Variants in DNAH1 observed in about 807,000 individuals in gnomAD.
DNAH1 encodes axonemal beta dynein heavy chain 1.
Under a neutral mutation model 484.3 loss-of-function variants are expected in DNAH1, and 327 were observed. The observed-to-expected ratio is 0.68, with a 90% CI of 0.62 to 0.74. The LOEUF is 0.74. DNAH1 is among the 30% of genes least tolerant of loss of function. DNAH1 has a pLI of 0.00. For missense variants in DNAH1, 5,052 were observed against 5,546.8 expected (o/e 0.91, Z 2.83); for synonymous variants, 2,192 against 2,191.9 (o/e 1.00, Z 0.00).
intron 59 of DNAH1, 123 bp from the exon 60 acceptor site, chr3:52,389,334 AATGC>A (rs1425329947): frequency 8.0e-6 from 11 of 1,375,086 alleles, no homozygotes; most frequent in Middle Eastern, 2.0e-4. Flanking sequence ...GTGGGATTAG[AATGC>A]AGGTATCTGG....
In DNAH1 at chr3:52,362,500, A is replaced by G; in HGVS notation, c.5093A>G (p.Lys1698Arg). Reference protein sequence around the residue: ...AGRTELPDNLKALFRPVAMMV... With the variant: ...AGRTELPDNLRALFRPVAMMV... ...CGCACGGAGCTGCCTGACAATCTGA[A>G]GGCAAGTGCAGGCCCAGAGTGGCCC... Residue 1698 changes from lysine (K) to arginine (R), a missense_variant and splice_region_variant, in exon 31 of 78, where the codon AAG becomes AGG. Lys to Arg is a conservative substitution (Grantham distance 26). Around this residue, in one of 4 missense-constraint regions of DNAH1, gnomAD observed 2,929 missense variants for 3,409.4 expected, o/e 0.86. Transcript: ENST00000420323. This position sits in a 1 kb window ranked among gnomAD's most constrained non-coding sequence, Gnocchi z 5.1. 6.2e-7 allele frequency: 1 copy of G among 1,612,632 alleles called. No individual in the cohort carries two copies.
chr3:52,354,221 A>G (rs548075800), intron 20 of DNAH1, among the ~76,000 whole-genome samples: 3 of 152,320 alleles, frequency 2.0e-5, no homozygotes, highest in Admixed American at 6.5e-5. Flanking sequence ...AAGGCTCAGA[A>G]GGGTTCAGCA....
chr3:52,400,155 C>T (rs761407711), intron 77 of DNAH1, among the ~76,000 whole-genome samples, 170 bp from the exon 78 acceptor site: 1 of 152,208 alleles, frequency 6.6e-6, no homozygotes, highest in Non-Finnish European at 1.5e-5. Context: ...AATACAGTAA[C>T]CCTGGGCAGG....
Position 52,358,424 on chromosome 3 carries a change from T to C in DNAH1, c.4087-134T>C, listed in dbSNP as rs1042547533. The C allele has an allele frequency of 6.9e-6, 7 of 1,014,520 alleles. No homozygotes were observed. Among genetic ancestry groups the C allele is most frequent in the Non-Finnish European group, 8.4e-6 (6 of 713,208 alleles). The allele number at this position is 1,014,520 out of a possible 1,614,324, so 62.8% of individuals were successfully genotyped here. A position where few individuals can be genotyped will look rare whatever the true frequency, so the allele number is the denominator to read the frequency against. The stretch of plus-strand genomic sequence containing the variant: ...CTGGGAAGGCCCAGCCAAGATAGAC[T>C]CTCGGGGGGACGGGAAGGCAGGGCT... On this transcript the variant is annotated intron_variant, in intron 24 of 77. Coordinates refer to ENST00000420323, the MANE Select transcript of DNAH1 (RefSeq NM_015512.5). This position sits in a 1 kb window ranked among gnomAD's most constrained non-coding sequence, Gnocchi z 4.2.
chr3:52,355,064 T>TC lies in DNAH1; in HGVS notation c.3693+15dup. The TC allele has an allele frequency of 6.2e-7, 1 of 1,611,414 alleles. No individual in the cohort carries two copies. Among genetic ancestry groups the TC allele is most frequent in the Non-Finnish European group, 8.5e-7 (1 of 1,179,376 alleles). ...AACTGAAGCTGACCCAGGTCGGCCCTCCCCCCAGTCCTTCCCTCATCGCTC... is the reference window on the plus strand; with the variant it reads ...AACTGAAGCTGACCCAGGTCGGCCCTCCCCCCCAGTCCTTCCCTCATCGCTC... On this transcript the variant is annotated intron_variant, in intron 21 of 77. Transcript: ENST00000420323. The surrounding 1 kb of genome is among the most constrained non-coding windows in gnomAD (Gnocchi z 4.5).
chr3:52,399,890 G>T, intron 77 of DNAH1, 111 bp downstream of exon 77: 1 of 1,182,734 alleles, frequency 8.5e-7, no homozygotes, highest in Non-Finnish European at 1.2e-6. Flanking sequence ...GGACAACAGA[G>T]ATTTGGGCCA....
chr3:52,356,576 G>T, intron 21 of DNAH1, 38 bp from the exon 22 acceptor site: 1 of 1,608,394 alleles, frequency 6.2e-7, no homozygotes, highest in Non-Finnish European at 8.5e-7. Flanking sequence ...GACCCTGACA[G>T]TCCATATCAC....
chr3:52,392,567 G>C lies in DNAH1; in HGVS notation c.10156G>C (p.Glu3386Gln). ...TATCAGTAATGCCAAGATGCGCCAG[G>C]AGCTGAAGGACATTGAGGACCAGAT... Reference protein sequence around the residue: ...LIISNAKMRQELKDIEDQILY... With the variant: ...LIISNAKMRQQLKDIEDQILY... The change falls in exon 64 of 78, where the codon GAG becomes CAG. Residue 3386 changes from glutamate to glutamine, a missense_variant. This residue lies in a region of DNAH1 where 2,929 missense variants were observed against 3,409.4 expected (regional missense o/e 0.86). Coordinates refer to ENST00000420323, the MANE Select transcript of DNAH1 (RefSeq NM_015512.5). 6.2e-7 allele frequency: 1 copy of C among 1,613,990 alleles called. No individual in the cohort carries two copies. Among genetic ancestry groups the C allele is most frequent in the East Asian group, 2.2e-5 (1 of 44,888 alleles).
Position 52,388,613 on chromosome 3 carries a change from C to T in DNAH1, c.9363+4C>T, listed in dbSNP as rs369421920. 1.9e-4 allele frequency: 314 copies of T among 1,611,776 alleles called. No homozygotes were observed. The highest frequency in any genetic ancestry group is 2.5e-4 in the Non-Finnish European group (290 of 1,179,472). Reference sequence around the variant, plus strand: ...GCGGCTGGGCCGAGCTGGCAAGGTGCGCACCCTCCTCCTGCAAGGCCTGCA... The same window carrying T: ...GCGGCTGGGCCGAGCTGGCAAGGTGTGCACCCTCCTCCTGCAAGGCCTGCA... On this transcript the variant is annotated splice_donor_region_variant and intron_variant, in intron 58 of 77. Coordinates refer to ENST00000420323, the MANE Select transcript of DNAH1 (RefSeq NM_015512.5).
chr3:52,388,292 G>T lies in DNAH1; in HGVS notation c.9129G>T (p.Met3043Ile). The T allele has an allele frequency of 6.2e-7, 1 of 1,602,234 alleles. No individual in the cohort carries two copies. The highest frequency in any genetic ancestry group is 8.5e-7 in the Non-Finnish European group (1 of 1,174,578). Residue 3043 changes from methionine (M) to isoleucine (I), a missense_variant, in exon 57 of 78, where the codon ATG becomes ATT. Transcript: ENST00000420323. The part of the protein sequence containing the change: ...CTSICQWVRA[M>I]HKYHFVAKAV... ...CCATCTGCCAGTGGGTGCGCGCCAT[G>T]CACAAGTACCACTTTGTGGCCAAGG...
chr3:52,333,786 T>G (rs1370573640), intron 8 of DNAH1, among the ~76,000 whole-genome samples: 1 of 152,178 alleles, frequency 6.6e-6, no homozygotes, highest in Non-Finnish European at 1.5e-5. Context: ...TCATTTTCAG[T>G]ACAGTATTCA....
Position 52,346,523 on chromosome 3 carries a change from C to A in DNAH1, c.1708C>A (p.Arg570Ser), listed in dbSNP as rs184765148. 1 of 1,613,604 alleles carries A rather than the reference C, an allele frequency of 6.2e-7. No homozygotes were observed. The highest frequency in any genetic ancestry group is 8.5e-7 in the Non-Finnish European group (1 of 1,179,714). Residue 570 changes from arginine (R) to serine (S), a missense_variant, in exon 11 of 78, where the codon CGC (arginine) becomes AGC (serine). Arg to Ser is a moderately radical substitution (Grantham distance 110). Coordinates refer to ENST00000420323, the MANE Select transcript of DNAH1 (RefSeq NM_015512.5). ...SWISSLKVAM[R>S]SSLRDMSKGW... Reference sequence around the variant, plus strand: ...GATCAGCTCGCTAAAGGTGGCCATGCGCAGCAGCCTGCGCGACATGAGCAA... The same window carrying A: ...GATCAGCTCGCTAAAGGTGGCCATGAGCAGCAGCCTGCGCGACATGAGCAA...
At chr3:52,384,445 A>G (rs1362912769) in intron 52 of DNAH1, among the ~76,000 whole-genome samples, 2 of 152,122 alleles carry the variant, frequency 1.3e-5, no homozygotes, top group Non-Finnish European at 2.9e-5. Context: ...CTGAGGGGGA[A>G]CCACCTCAGG....
At chr3:52,349,500 A>G in intron 14 of DNAH1, 80 bp downstream of exon 14, 1 of 1,351,458 alleles carries the variant, frequency 7.4e-7, no homozygotes, top group Non-Finnish European at 1.0e-6. Context: ...CATACATGGC[A>G]AGATGTCCCC....
chr3:52,362,923 G>C lies in DNAH1; in HGVS notation c.5095-72G>C. The C allele has an allele frequency of 1.3e-6, 2 of 1,598,152 alleles. No homozygotes were observed. The highest frequency in any genetic ancestry group is 1.7e-6 in the Non-Finnish European group (2 of 1,170,420). Reference sequence around the variant, plus strand: ...GGGAGTCCCAGCGTGTTAGGGAGGAGGGCCGGATGAAGCTGGGGGTGCTCT... The same window carrying C: ...GGGAGTCCCAGCGTGTTAGGGAGGACGGCCGGATGAAGCTGGGGGTGCTCT... On this transcript the variant is annotated intron_variant, in intron 31 of 77. Transcript: ENST00000420323. This position sits in a 1 kb window ranked among gnomAD's most constrained non-coding sequence, Gnocchi z 5.1.
At chr3:52,397,333 CCA>C (rs1704681170) in intron 73 of DNAH1, among the ~76,000 whole-genome samples, 3 of 152,226 alleles carry the variant, frequency 2.0e-5, no homozygotes, top group South Asian at 2.1e-4. Flanking sequence ...GGCCCAGACT[CCA>C]CAGTCAGGGA....
In DNAH1 at chr3:52,391,052, A is replaced by G. The variant is rs561260067; in HGVS notation, c.9739A>G (p.Met3247Val). ...QSQANKWIKN[M>V]EKDNGLDVFK... is the part of the protein sequence containing the mutation. ...CCAGGCCAACAAATGGATCAAGAACATGGTGAGCCCACCCACCAGGCACCA... is the reference window on the plus strand; with the variant it reads ...CCAGGCCAACAAATGGATCAAGAACGTGGTGAGCCCACCCACCAGGCACCA... Residue 3247 changes from methionine to valine, a missense_variant and splice_region_variant, in exon 61 of 78, where the codon ATG (methionine) becomes GTG (valine). By Grantham distance (21) the Met-to-Val change is conservative. Around this residue, in one of 4 missense-constraint regions of DNAH1, gnomAD observed 2,929 missense variants for 3,409.4 expected, o/e 0.86. Transcript: ENST00000420323. The G allele has an allele frequency of 1.3e-6, 2 of 1,566,202 alleles. No individual in the cohort carries two copies. Among genetic ancestry groups the G allele is most frequent in the Non-Finnish European group, 1.7e-6 (2 of 1,155,258 alleles).
intron 56 of DNAH1, among the ~76,000 whole-genome samples, chr3:52,387,305 C>CT (rs1335409206): frequency 2.0e-5 from 3 of 152,180 alleles, no homozygotes; most frequent in Admixed American, 6.5e-5. Context: ...GCTTCCCTGT[C>CT]TGTCTCTGGG....
rs1202048041 is a variant in DNAH1, at chr3:52,350,040, A to G, written c.2578A>G (p.Ser860Gly). 6.2e-7 allele frequency: 1 copy of G among 1,613,372 alleles called. No homozygotes were observed. The highest frequency in any genetic ancestry group is 1.7e-5 in the Admixed American group (1 of 59,980). ...CCGCAAGATCTATGAGAAGCCCAAC[A>G]GCATTGAGGAGCTGGCTGAGCTGCG... Reference protein sequence around the residue: ...ISRKIYEKPNSIEELAELREW... With the variant: ...ISRKIYEKPNGIEELAELREW... Residue 860 changes from serine (S) to glycine (G), a missense_variant, in exon 15 of 78, where the codon AGC (serine) becomes GGC (glycine). Ser to Gly is a moderately conservative substitution (Grantham distance 56). Transcript: ENST00000420323.
Sources: allele counts gnomAD v4.1 joint callset (sites outside exome capture counted in the v4.1 genomes callset), GRCh38; gene constraint gnomAD v4.1.1; regional missense constraint gnomAD v4.1.1; non-coding constraint Gnocchi (gnomAD v3.1); transcripts MANE v1.5; gene names NCBI Gene and HGNC (gene_info 2026-07-23, HGNC 2026-07-21).